KDM2B: variants seen among roughly 807,000 people sequenced by gnomAD.
The protein encoded by KDM2B is lysine-specific demethylase 2B.
KDM2B carries 26 observed loss-of-function variants against 150.0 expected under a neutral mutation model. The ratio of observed to expected loss-of-function variants is 0.17; its 90% CI spans 0.13 to 0.24. KDM2B has a LOEUF of 0.24. Ranked by LOEUF, KDM2B falls within the 10% of genes least tolerant of loss-of-function variation. KDM2B has a pLI of 1.00. For missense variants in KDM2B, 1,265 were observed against 1,816.9 expected (o/e 0.70, Z 5.52); for synonymous variants, 734 against 729.5 (o/e 1.01, Z -0.10).
intron 11 of KDM2B, among the ~76,000 whole-genome samples, chr12:121,500,222 T>C (rs782385165): frequency 6.6e-6 from 1 of 152,120 alleles, no homozygotes. Context: ...TAGGCCCTGC[T>C]TGAATTTATA....
upstream of KDM2B, chr12:121,581,205 C>G (rs1566445113): frequency 3.2e-6 from 1 of 312,038 alleles, no homozygotes; most frequent in Non-Finnish European, 5.9e-6. Flanking sequence ...TGCTCAGGAG[C>G]GAAAGACGCA....
rs782002601 is a variant in KDM2B, at chr12:121,580,802, A to C, written c.110T>G (p.Phe37Cys). The change falls in exon 1 of 23, where the codon TTT becomes TGT. Residue 37 changes from phenylalanine to cysteine, a missense_variant. Physicochemically the swap from Phe to Cys is radical, Grantham distance 205. Transcript: ENST00000377071. ...CAACATTACCTGTGTGGCCGACTCA[A>C]ATTCAAAGCATTTTGTATATATAAC... ...KTVIYTKCFE[F>C]ESATQRPIDR... 26 of 1,613,444 alleles carry C rather than the reference A, an allele frequency of 1.6e-5. No individual in the cohort carries two copies. Among genetic ancestry groups the C allele is most frequent in the Non-Finnish European group, 2.2e-5 (26 of 1,179,800 alleles).
At position 121,490,294 on chromosome 12, in the gene KDM2B, T is replaced by C. The variant is rs574035721; in HGVS notation, c.1734+4285A>G. ...CAGCTACTGATGAGGACTGTCTCCA[T>C]GCCCCCATCAGGGTGCTTGTCCTCC... On this transcript the variant is annotated intron_variant, in intron 12 of 22. Coordinates refer to ENST00000377071, the MANE Select transcript of KDM2B (RefSeq NM_032590.5). Among the ~76,000 whole-genome samples, 7 of 152,324 alleles carry C rather than the reference T, an allele frequency of 4.6e-5. No homozygotes were observed. The East Asian group carries it at 1.3e-3, about 29-fold the overall frequency.
chr12:121,421,417 G>A, the KDM2B span, among the ~76,000 whole-genome samples: 1 of 149,758 alleles, frequency 6.7e-6, no homozygotes, highest in Non-Finnish European at 1.5e-5. Context: ...ACCTGGTGTG[G>A]TGGCACCAGC....
intron 12 of KDM2B, among the ~76,000 whole-genome samples, chr12:121,487,883 G>C (rs558596470): frequency 6.6e-6 from 1 of 151,380 alleles, no homozygotes; most frequent in South Asian, 2.1e-4. Flanking sequence ...CCAGGTTCAA[G>C]TGATTGTACT....
In KDM2B at chr12:121,533,019, G is replaced by C. The variant is rs888070631; in HGVS notation, c.778-60C>G. The C allele has an allele frequency of 1.3e-6, 2 of 1,584,678 alleles. No individual in the cohort carries two copies. The highest frequency in any genetic ancestry group is 1.7e-6 in the Non-Finnish European group (2 of 1,157,278). On this transcript the variant is annotated intron_variant, in intron 7 of 22. Coordinates refer to ENST00000377071, the MANE Select transcript of KDM2B (RefSeq NM_032590.5). The surrounding 1 kb of genome is among the most constrained non-coding windows in gnomAD (Gnocchi z 4.1). ...CAGGCCCAGACAAGACCCAGAGAGAGGGCCCCACCTGCCTGGCGGAAGGGG... is the reference window on the plus strand; with the variant it reads ...CAGGCCCAGACAAGACCCAGAGAGACGGCCCCACCTGCCTGGCGGAAGGGG...
rs192857594 is a variant in KDM2B, at chr12:121,504,443, G to A, written c.1647+5124C>T. Among the ~76,000 whole-genome samples the A allele has an allele frequency of 3.2e-3, 490 of 152,250 alleles. 6 individuals carry two copies. Among genetic ancestry groups the A allele is most frequent in the African/African-American group, 0.011 (470 of 41,546 alleles). On this transcript the variant is annotated intron_variant, in intron 11 of 22. Transcript: ENST00000377071. ...CCAGCTACTTGGGAAGCTGAGATGGGAGGATTGCTTGAGCCTGGGGGGTTG... is the reference window on the plus strand; with the variant it reads ...CCAGCTACTTGGGAAGCTGAGATGGAAGGATTGCTTGAGCCTGGGGGGTTG...
At chr12:121,417,673 T>A in the KDM2B span, 1 of 1,614,198 alleles carries the variant, frequency 6.2e-7, no homozygotes, top group Non-Finnish European at 8.5e-7. The surrounding 1 kb of genome is among the most constrained non-coding windows in gnomAD (Gnocchi z 5.0). Context: ...CTGAGAAATA[T>A]ACCCATAGAT....
intron 1 of KDM2B, 140 bp downstream of exon 1, chr12:121,580,646 G>T: frequency 7.5e-7 from 1 of 1,324,532 alleles, no homozygotes; most frequent in Non-Finnish European, 1.0e-6. Flanking sequence ...GGGAGGCGCG[G>T]AAATGCAAGC....
downstream of KDM2B, chr12:121,428,970 G>A (rs1441920903): frequency 2.0e-5 from 3 of 152,228 alleles, no homozygotes; most frequent in Admixed American, 6.5e-5. Flanking sequence ...TAATTCCTAC[G>A]CGTGGCCGTT....
chr12:121,493,156 C>G (rs1008053841), intron 12 of KDM2B, among the ~76,000 whole-genome samples: 1 of 150,430 alleles, frequency 6.6e-6, no homozygotes, highest in African/African-American at 2.5e-5. Flanking sequence ...GATCCTCCCC[C>G]CTCAGCTTCT....
intron 9 of KDM2B, among the ~76,000 whole-genome samples, chr12:121,519,115 A>G (rs1555305495): frequency 6.6e-6 from 1 of 152,218 alleles, no homozygotes; most frequent in African/African-American, 2.4e-5. Context: ...GTCAATCTGC[A>G]GAGGTACACA....
chr12:121,502,190 T>C (rs1370995928), intron 11 of KDM2B, among the ~76,000 whole-genome samples: 1 of 152,236 alleles, frequency 6.6e-6, no homozygotes, highest in Non-Finnish European at 1.5e-5. Context: ...TTAAAGGCCC[T>C]GTGCTAAAGT....
At chr12:121,522,027 T>C (rs1886728754) in intron 8 of KDM2B, among the ~76,000 whole-genome samples, 1 of 152,082 alleles carries the variant, frequency 6.6e-6, no homozygotes. Context: ...GAGGATCACT[T>C]GAGCTCCAGA....
At chr12:121,445,765 G>A (rs572986426) in intron 13 of KDM2B, among the ~76,000 whole-genome samples, 1 of 152,166 alleles carries the variant, frequency 6.6e-6, no homozygotes, top group South Asian at 2.1e-4. Flanking sequence ...GGGGCAGAAG[G>A]GGGGCTGATT....
At chr12:121,544,605 G>GT in intron 6 of KDM2B, among the ~76,000 whole-genome samples, 1 of 142,910 alleles carries the variant, frequency 7.0e-6, no homozygotes, top group East Asian at 2.1e-4. Context: ...GTGAGTCTCC[G>GT]TCCCCCCCCA....
At chr12:121,438,899 C>G (rs782034456) in intron 22 of KDM2B, among the ~76,000 whole-genome samples, 5 of 152,002 alleles carry the variant, frequency 3.3e-5, no homozygotes, top group Non-Finnish European at 7.4e-5. Flanking sequence ...CCCAACACCC[C>G]CCAATCCAGA....
At position 121,579,902 on chromosome 12, in the gene KDM2B, G is replaced by C. The variant is rs561390050; in HGVS notation, c.126+884C>G. On this transcript the variant is annotated intron_variant, in intron 1 of 22. Transcript: ENST00000377071. ...ATTATATTTTTTTCCCGGTCCTCTT[G>C]CAAAATACAGAAAAGGAAAGAAAAG... is the stretch of plus-strand genomic sequence containing the variant. The C allele has an allele frequency of 4.2e-5, 61 of 1,450,866 alleles. No individual in the cohort carries two copies. The African/African-American group carries it at 9.2e-4, about 22-fold the overall frequency. The allele number at this position is 1,450,866 out of a possible 1,614,324, so 89.9% of individuals were successfully genotyped here.
intron 1 of KDM2B, chr12:121,580,489 C>A: frequency 8.4e-7 from 1 of 1,184,166 alleles, no homozygotes; most frequent in Non-Finnish European, 1.0e-6. Context: ...ACGCAGGCGC[C>A]GCCGCCGCCC....
Sources: gnomAD v4.1 joint callset for allele counts (sites outside exome capture counted in the v4.1 genomes callset) on GRCh38, gnomAD v4.1.1 for gene constraint, Gnocchi (gnomAD v3.1) non-coding constraint, MANE v1.5 for transcripts, NCBI Gene and HGNC (gene_info 2026-07-23, HGNC 2026-07-21) for gene names.